Variants in DIAPH2 observed in about 807,000 individuals in gnomAD.
DIAPH2 encodes the protein diaphanous related formin 2.
In DIAPH2, 35 loss-of-function variants were observed where a neutral mutation model predicts 92.7. The ratio of observed to expected loss-of-function variants is 0.38; its 90% CI spans 0.29 to 0.50. DIAPH2 has a LOEUF of 0.50. Ranked by LOEUF, DIAPH2 falls within the 20% of genes least tolerant of loss-of-function variation. The pLI is 0.94. For synonymous variants in DIAPH2, 301 were observed against 280.4 expected (o/e 1.07, Z -0.73); for missense variants, 701 against 819.5 (o/e 0.86, Z 1.77).
chrX:97,388,732 A>G (rs776283631), intron 25 of DIAPH2, among the ~76,000 whole-genome samples: 8 of 111,646 alleles, frequency 7.2e-5, no homozygotes, highest in Non-Finnish European at 1.5e-4. Context: ...TTATATTGAC[A>G]TTTATCATCT....
At chrX:96,847,029 T>C (rs374597420) in intron 4 of DIAPH2, among the ~76,000 whole-genome samples, 1 of 111,745 alleles carries the variant, frequency 8.9e-6, no homozygotes, top group Admixed American at 9.5e-5. Flanking sequence ...TGCCTTATTG[T>C]CATTCTAATT....
chrX:97,427,978 C>T (rs1263709755), intron 25 of DIAPH2, among the ~76,000 whole-genome samples: 2 of 111,077 alleles, frequency 1.8e-5, no homozygotes, highest in African/African-American at 3.3e-5. Context: ...TGAGCCACCA[C>T]GCCCAGCCTC....
intron 26 of DIAPH2, among the ~76,000 whole-genome samples, chrX:97,581,053 T>C (rs2071437831): frequency 9.7e-6 from 1 of 103,403 alleles, no homozygotes; most frequent in Admixed American, 1.1e-4. Context: ...ATTTGATTCT[T>C]CTCTCTTTTT....
chrX:97,229,217 A>C (rs1195678567), intron 22 of DIAPH2, among the ~76,000 whole-genome samples: 2 of 112,367 alleles, frequency 1.8e-5, no homozygotes, highest in Admixed American at 9.5e-5. Flanking sequence ...ATTAGTTTCT[A>C]ATTGCATTCT....
intron 23 of DIAPH2, among the ~76,000 whole-genome samples, chrX:97,299,807 T>G (rs2068678574): frequency 8.9e-6 from 1 of 112,262 alleles, no homozygotes; most frequent in Admixed American, 9.5e-5. Flanking sequence ...TCAAGGCTCT[T>G]TCATAGAATC....
chrX:96,786,638 GAT>G (rs1336933771), intron 4 of DIAPH2, among the ~76,000 whole-genome samples: 1 of 111,257 alleles, frequency 9.0e-6, no homozygotes, highest in Non-Finnish European at 1.9e-5. Flanking sequence ...ACCTAGAGAA[GAT>G]AAATGAGAGA....
At chrX:96,895,474 T>G (rs1355123950) in intron 5 of DIAPH2, among the ~76,000 whole-genome samples, 1 of 112,167 alleles carries the variant, frequency 8.9e-6, no homozygotes, top group Admixed American at 9.5e-5. Flanking sequence ...ATCTGTGAAC[T>G]CACAGCTGAT....
At chrX:96,974,574 A>G (rs1336412213) in intron 17 of DIAPH2, among the ~76,000 whole-genome samples, 8 of 112,099 alleles carry the variant, frequency 7.1e-5, no homozygotes, top group Non-Finnish European at 1.1e-4. Flanking sequence ...ATTACAAAAT[A>G]TGTTTCAAAA....
rs781362717 is a variant in DIAPH2, at chrX:96,759,480, A to G, written c.447+1222A>G. ...AAATTTGCCATGAGCGTCGTTTTCA[A>G]TAGAATTAGGTGATGCATAGGGTTT... On this transcript the variant is annotated intron_variant, in intron 4 of 26. Transcript: ENST00000324765. Among the ~76,000 whole-genome samples the G allele has an allele frequency of 9.8e-5, 11 of 111,882 alleles. No homozygotes were observed. The South Asian group carries it at 4.1e-3, about 41-fold the overall frequency.
chrX:97,473,495 C>T (rs911387352), intron 26 of DIAPH2, among the ~76,000 whole-genome samples: 3 of 111,137 alleles, frequency 2.7e-5, no homozygotes, highest in East Asian at 5.8e-4. Flanking sequence ...CCACCATGCC[C>T]TGCTAACTTT....
intron 23 of DIAPH2, among the ~76,000 whole-genome samples, chrX:97,260,279 G>A (rs2068278241): frequency 8.9e-6 from 1 of 112,750 alleles, no homozygotes; most frequent in Non-Finnish European, 1.9e-5. Context: ...TACTGTCAAG[G>A]AGATTTTACT....
intron 19 of DIAPH2, among the ~76,000 whole-genome samples, chrX:97,080,246 C>G (rs73534707): frequency 0.02 from 2,149 of 107,915 alleles, 53 homozygotes; most frequent in African/African-American, 0.069. Flanking sequence ...TCATTCCCTT[C>G]TTCCTTCCCT....
At position 96,939,379 on chromosome X, in the gene DIAPH2, T is replaced by A. The variant is rs1250249192; in HGVS notation, c.1322T>A (p.Ile441Asn). The A allele has an allele frequency of 1.1e-6, 1 of 920,714 alleles. No individual in the cohort carries two copies. Among genetic ancestry groups the A allele is most frequent in the Non-Finnish European group, 1.5e-6 (1 of 645,837 alleles). 75.9% of individuals were successfully genotyped at this position (920,714 alleles called of 1,213,427 possible). The change falls in exon 12 of 27, where the codon ATC becomes AAC. Residue 441 changes from isoleucine to asparagine, a missense_variant. Physicochemically the swap from Ile to Asn is moderately radical, Grantham distance 149. Around this residue, in one of 3 missense-constraint regions of DIAPH2, gnomAD observed 536 missense variants for 599.3 expected, o/e 0.89. Coordinates refer to ENST00000324765, the MANE Select transcript of DIAPH2 (RefSeq NM_006729.5). Reference protein sequence around the residue: ...HFLLIRNDYYIRPQYYKIIEE... With the variant: ...HFLLIRNDYYNRPQYYKIIEE... The stretch of plus-strand genomic sequence containing the variant: ...TTGCTTATCAGAAATGATTATTATA[T>A]CAGGTAAGAGGCAGTTCTGAGAGTA...
chrX:96,740,679 A>G (rs1030319543), intron 3 of DIAPH2, among the ~76,000 whole-genome samples: 2 of 111,343 alleles, frequency 1.8e-5, no homozygotes, highest in African/African-American at 6.5e-5. Context: ...TTCTTGCCCT[A>G]CTTTAGATGA....
chrX:97,325,785 G>A (rs868502014), intron 23 of DIAPH2, among the ~76,000 whole-genome samples: 4 of 110,936 alleles, frequency 3.6e-5, no homozygotes, highest in Non-Finnish European at 5.7e-5. Context: ...CACTGTGTTC[G>A]CCAGGATGGT....
At chrX:96,952,341 T>A (rs1222565542) in intron 15 of DIAPH2, among the ~76,000 whole-genome samples, 1 of 111,835 alleles carries the variant, frequency 8.9e-6, no homozygotes, top group Non-Finnish European at 1.9e-5. Flanking sequence ...GGGTAACCTT[T>A]CCATGATCTT....
At chrX:96,976,978 T>C (rs1476698964) in intron 17 of DIAPH2, among the ~76,000 whole-genome samples, 1 of 111,617 alleles carries the variant, frequency 9.0e-6, no homozygotes, top group Non-Finnish European at 1.9e-5. Flanking sequence ...TTAAGCAATA[T>C]TTTGTTTACA....
At chrX:96,787,397 AT>A (rs912958873) in intron 4 of DIAPH2, among the ~76,000 whole-genome samples, 16 of 111,095 alleles carry the variant, frequency 1.4e-4, no homozygotes, top group Non-Finnish European at 2.5e-4. Context: ...ATCATGGGTG[AT>A]TTTTTTAAGG....
chrX:97,537,046 G>C (rs1267901924), intron 26 of DIAPH2, among the ~76,000 whole-genome samples: 1 of 111,402 alleles, frequency 9.0e-6, no homozygotes, highest in Non-Finnish European at 1.9e-5. Flanking sequence ...GAATTATATG[G>C]ACATATGGAG....
Sources: gnomAD v4.1 joint callset for allele counts (sites outside exome capture counted in the v4.1 genomes callset) on GRCh38, gnomAD v4.1.1 for gene constraint, gnomAD v4.1.1 regional missense constraint, MANE v1.5 for transcripts, NCBI Gene and HGNC (gene_info 2026-07-23, HGNC 2026-07-21) for gene names.